Variants in ANPEP observed in about 807,000 individuals in gnomAD.
The protein encoded by ANPEP is aminopeptidase N.
A neutral mutation model predicts 114.6 loss-of-function variants in ANPEP; 70 were observed. That is an observed-to-expected ratio of 0.61 (90% CI 0.50 to 0.75). The LOEUF is 0.75. ANPEP is among the 30% of genes least tolerant of loss of function. The probability of loss-of-function intolerance (pLI) is 0.00; values close to 1 mark genes in which losing one functional copy is unlikely to be tolerated. For synonymous variants in ANPEP, 548 were observed against 522.3 expected (o/e 1.05, Z -0.67); for missense variants, 1,184 against 1,259.5 (o/e 0.94, Z 0.91).
chr15:89,801,226 G>A, intron 11 of ANPEP, 39 bp from the exon 12 acceptor site: 1 of 1,607,410 alleles, frequency 6.2e-7, no homozygotes. Context: ...AGATGGCGGT[G>A]TGGTCACTGC....
chr15:89,789,248 G>A (rs956511433), intron 20 of ANPEP, among the ~76,000 whole-genome samples: 6 of 151,464 alleles, frequency 4.0e-5, no homozygotes, highest in Admixed American at 3.9e-4. Context: ...CTAAAGTGCT[G>A]GGACTACAGG....
At chr15:89,790,873 C>T (rs1968607590) in intron 19 of ANPEP, 80 bp downstream of exon 19, 14 of 1,533,914 alleles carry the variant, frequency 9.1e-6, no homozygotes, top group Admixed American at 3.8e-5. Context: ...GTGCCCCCGG[C>T]GTGTCTTACC....
At position 89,797,655 on chromosome 15, in the gene ANPEP, T is replaced by G. The variant is rs1239444162; in HGVS notation, c.2077A>C (p.Met693Leu). The stretch of plus-strand genomic sequence containing the variant: ...CTGCTCAGGGCGGCCTCCCAGGGCA[T>G]GTACTGTCTCTCTTCAATCAGGAAG... ...TLFLIEERQY[M>L]PWEAALSSLS... is the part of the protein sequence containing the mutation. The change falls in exon 15 of 21, where the codon ATG (methionine) becomes CTG (leucine). Residue 693 changes from methionine (M) to leucine (L), a missense_variant. Transcript: ENST00000300060. 6.2e-7 allele frequency: 1 copy of G among 1,614,104 alleles called. No homozygotes were observed. The highest frequency in any genetic ancestry group is 1.1e-5 in the South Asian group (1 of 91,082).
In ANPEP at chr15:89,803,360, CTG is replaced by C; in HGVS notation, c.1504-58_1504-57del. 6.2e-7 allele frequency: 1 copy of C among 1,613,554 alleles called. No individual in the cohort carries two copies. ...AGCTGGAGCCCCCCAGGCTCCCCCTCTGTGGTGGGCAGAGGCCCGGGTCAAGG... is the reference window on the plus strand; with the variant it reads ...AGCTGGAGCCCCCCAGGCTCCCCCTCTGGTGGGCAGAGGCCCGGGTCAAGG... On this transcript the variant is annotated intron_variant, in intron 9 of 20. Transcript: ENST00000300060. The surrounding 1 kb of genome is among the most constrained non-coding windows in gnomAD (Gnocchi z 4.2).
At chr15:89,811,215 C>T (rs1894809951) in intron 1 of ANPEP, among the ~76,000 whole-genome samples, 1 of 152,256 alleles carries the variant, frequency 6.6e-6, no homozygotes, top group South Asian at 2.1e-4. Flanking sequence ...GTGCACAAAC[C>T]ACCTTCGTGA....
chr15:89,805,864 C>T (rs886808076), intron 2 of ANPEP, 106 bp downstream of exon 2: 2 of 1,453,654 alleles, frequency 1.4e-6, no homozygotes, highest in Non-Finnish European at 1.8e-6. Flanking sequence ...TCTCGGGCTC[C>T]ACAGGGTTCA....
rs948655336 is a variant in ANPEP, at chr15:89,796,697, G to A, written c.2157+878C>T. On this transcript the variant is annotated intron_variant, in intron 15 of 20. Transcript: ENST00000300060. ...TTTTTAGTAGAGACGAGGTTTCACC[G>A]TGTTAGCCAGGATGGTCTCGATCTG... 9.2e-5 allele frequency among the ~76,000 whole-genome samples: 14 copies of A among 151,554 alleles called. No individual in the cohort carries two copies. In the East Asian group the frequency reaches 1.4e-3, roughly 15 times the overall value.
At chr15:89,797,506 A>G in intron 15 of ANPEP, 69 bp downstream of exon 15, 1 of 1,535,798 alleles carries the variant, frequency 6.5e-7, no homozygotes, top group South Asian at 1.3e-5. Flanking sequence ...TAGTCTATTA[A>G]CTTCCTAATA....
In ANPEP at chr15:89,803,982, G is replaced by A. The variant is rs376314928; in HGVS notation, c.1200C>T (p.Thr400=). Residue 400 remains threonine, a synonymous_variant, in exon 7 of 21, where the codon ACC becomes ACT. Transcript: ENST00000300060. This position sits in a 1 kb window ranked among gnomAD's most constrained non-coding sequence, Gnocchi z 4.2. ...GCCACAGGTCATTCCACCACTCTAT[G>A]GTCACCAGGTTCCCGAACCACTGTG... is the stretch of plus-strand genomic sequence containing the variant. The part of the protein sequence containing the change: ...LAHQWFGNLV[T]IEWWNDLWLN... The A allele has an allele frequency of 8.1e-6, 13 of 1,614,012 alleles. No homozygotes were observed. The highest frequency in any genetic ancestry group is 1.6e-4 in the Middle Eastern group (1 of 6,062).
chr15:89,807,628 G>A (rs1314505048), intron 1 of ANPEP, among the ~76,000 whole-genome samples: 1 of 152,158 alleles, frequency 6.6e-6, no homozygotes, highest in Non-Finnish European at 1.5e-5. Context: ...TTGAATCCGG[G>A]AGGCAGAGAT....
At position 89,799,147 on chromosome 15, in the gene ANPEP, C is replaced by G; in HGVS notation, c.2009+113G>C. 3 of 1,240,312 alleles carry G rather than the reference C, an allele frequency of 2.4e-6. No individual in the cohort carries two copies. Among genetic ancestry groups the G allele is most frequent in the Non-Finnish European group, 3.5e-6 (3 of 857,630 alleles). 76.8% of individuals were successfully genotyped at this position (1,240,312 alleles called of 1,614,324 possible). ...GTCCAGGGAGCACAGGAGCTCAGGGCACAGCACGTGGCATATGGGAAGGGC... is the reference window on the plus strand; with the variant it reads ...GTCCAGGGAGCACAGGAGCTCAGGGGACAGCACGTGGCATATGGGAAGGGC... On this transcript the variant is annotated intron_variant, in intron 14 of 20. Transcript: ENST00000300060. The surrounding 1 kb of genome is among the most constrained non-coding windows in gnomAD (Gnocchi z 4.2).
chr15:89,797,606 A>G lies in ANPEP; in HGVS notation c.2126T>C (p.Phe709Ser), dbSNP rs1454388290. 1 of 1,614,184 alleles carries G rather than the reference A, an allele frequency of 6.2e-7. No individual in the cohort carries two copies. The highest frequency in any genetic ancestry group is 1.3e-5 in the African/African-American group (1 of 75,046). Reference protein sequence around the residue: ...LSSLSYFKLMFDRSEVYGPMK... With the variant: ...LSSLSYFKLMSDRSEVYGPMK... ...GGGGCCATAGACCTCGGAGCGGTCA[A>G]ACATGAGCTTGAAGTAGCTCAGGCT... Residue 709 changes from phenylalanine to serine, a missense_variant, in exon 15 of 21, where the codon TTT becomes TCT. Physicochemically the swap from Phe to Ser is radical, Grantham distance 155 (BLOSUM62 -2). Transcript: ENST00000300060.
At chr15:89,787,299 C>A (rs8030846) in intron 20 of ANPEP, among the ~76,000 whole-genome samples, 11,428 of 152,156 alleles carry the variant, frequency 0.075, 505 homozygotes, top group Middle Eastern at 0.14. Context: ...CCTGCCTTGG[C>A]CTCCCAAAGT....
chr15:89,814,295 C>G (rs974571442), intron 1 of ANPEP, among the ~76,000 whole-genome samples: 2 of 152,204 alleles, frequency 1.3e-5, no homozygotes, highest in African/African-American at 2.4e-5. Flanking sequence ...GGAGCGAGAT[C>G]TAAGGTTAAA....
intron 1 of ANPEP, among the ~76,000 whole-genome samples, chr15:89,809,435 T>C (rs1894780535): frequency 6.6e-6 from 1 of 152,228 alleles, no homozygotes; most frequent in African/African-American, 2.4e-5. Context: ...CTGGAATCTT[T>C]ACTCTTCTGG....
At chr15:89,807,917 C>T (rs545718100) in intron 1 of ANPEP, among the ~76,000 whole-genome samples, 1 of 152,302 alleles carries the variant, frequency 6.6e-6, no homozygotes, top group African/African-American at 2.4e-5. Flanking sequence ...CACATTCCCC[C>T]ATCGCAAGAT....
In ANPEP at chr15:89,787,952, G is replaced by T. The variant is rs971788893; in HGVS notation, c.2752-2451C>A. Among the ~76,000 whole-genome samples the T allele has an allele frequency of 2.0e-5, 3 of 152,112 alleles. No individual in the cohort carries two copies. The East Asian group carries it at 5.8e-4, about 29-fold the overall frequency. On this transcript the variant is annotated intron_variant, in intron 20 of 20. Transcript: ENST00000300060. ...TAATGATACCACTTCCTACCCACTA[G>T]ATGACTATACTAAAAAAAGAGGGAA...
chr15:89,809,111 G>C (rs1426941046), intron 1 of ANPEP, among the ~76,000 whole-genome samples: 1 of 152,248 alleles, frequency 6.6e-6, no homozygotes, highest in African/African-American at 2.4e-5. Flanking sequence ...AAGGGCTCCA[G>C]CTTGGGCGTG....
chr15:89,801,672 C>T (rs1004370199), intron 10 of ANPEP, 65 bp from the exon 11 acceptor site: 26 of 1,569,980 alleles, frequency 1.7e-5, no homozygotes, highest in Non-Finnish European at 1.8e-5. Context: ...TCCAGGGCAT[C>T]TCCTGCAGAT....
Sources: gnomAD v4.1 joint callset for allele counts (sites outside exome capture counted in the v4.1 genomes callset) on GRCh38, gnomAD v4.1.1 for gene constraint, Gnocchi (gnomAD v3.1) non-coding constraint, MANE v1.5 for transcripts, NCBI Gene and HGNC (gene_info 2026-07-23, HGNC 2026-07-21) for gene names.